Variants in ARHGAP21 observed in about 807,000 individuals in gnomAD.
ARHGAP21 encodes the protein rho GTPase-activating protein 21.
ARHGAP21 carries 38 observed loss-of-function variants against 164.6 expected under a neutral mutation model. The observed-to-expected ratio is 0.23, with a 90% CI of 0.18 to 0.30. ARHGAP21 has a LOEUF of 0.30. Ranked by LOEUF, ARHGAP21 falls within the 10% of genes least tolerant of loss-of-function variation. ARHGAP21 has a pLI of 1.00. For synonymous variants in ARHGAP21, 766 were observed against 857.9 expected, an observed-to-expected ratio of 0.89 and a Z score of 1.87; for missense variants, 1,822 against 2,370.7, an observed-to-expected ratio of 0.77 and a Z score of 4.81.
At chr10:24,708,607 G>A (rs942430628) in intron 2 of ARHGAP21, among the ~76,000 whole-genome samples, 11 of 152,154 alleles carry the variant, frequency 7.2e-5, no homozygotes, top group African/African-American at 2.2e-4. Context: ...AGTCTCCATT[G>A]TCTATCCTTC....
intron 4 of ARHGAP21, among the ~76,000 whole-genome samples, chr10:24,655,224 T>A (rs1169222773): frequency 6.6e-6 from 1 of 152,172 alleles, no homozygotes; most frequent in Non-Finnish European, 1.5e-5. Context: ...GGACTTCGTG[T>A]CTAAAACACC....
chr10:24,611,671 G>A (rs116249015), intron 9 of ARHGAP21, among the ~76,000 whole-genome samples: 8,236 of 151,374 alleles, frequency 0.054, 508 homozygotes, highest in East Asian at 0.29. Flanking sequence ...GCCACTGCCC[G>A]ACTCCAGCCT....
intron 9 of ARHGAP21, among the ~76,000 whole-genome samples, chr10:24,618,306 G>C (rs185628073): frequency 2.5e-4 from 38 of 152,192 alleles, no homozygotes; most frequent in African/African-American, 8.4e-4. Context: ...CTAGGCATTA[G>C]GGACACAAAA....
chr10:24,658,826 AAT>A (rs1446585076), intron 4 of ARHGAP21, among the ~76,000 whole-genome samples: 2 of 152,196 alleles, frequency 1.3e-5, no homozygotes, highest in Middle Eastern at 3.2e-3. Flanking sequence ...ATTAAAAAAA[AAT>A]ACTTATACCT....
intron 4 of ARHGAP21, among the ~76,000 whole-genome samples, chr10:24,641,232 A>G (rs1408496659): frequency 2.0e-5 from 3 of 152,232 alleles, no homozygotes; most frequent in Non-Finnish European, 1.5e-5. Context: ...AATATATCCT[A>G]TATAAGTCAT....
chr10:24,670,519 C>CTAA (rs1840602561), intron 2 of ARHGAP21, 122 bp from the exon 3 acceptor site: 1 of 503,626 alleles, frequency 2.0e-6, no homozygotes, highest in African/African-American at 2.0e-5. Flanking sequence ...GATGCATAAA[C>CTAA]TACACAAAGC....
intron 2 of ARHGAP21, among the ~76,000 whole-genome samples, chr10:24,689,660 G>A (rs555766277): frequency 8.5e-4 from 129 of 152,140 alleles, no homozygotes; most frequent in African/African-American, 2.9e-3. Context: ...AGGATCATCT[G>A]AGCCCGGAAG....
At chr10:24,642,603 C>A (rs947356015) in intron 4 of ARHGAP21, among the ~76,000 whole-genome samples, 1 of 151,836 alleles carries the variant, frequency 6.6e-6, no homozygotes, top group Non-Finnish European at 1.5e-5. Context: ...ATCGGTACTG[C>A]AAGCTGACAA....
Position 24,620,809 on chromosome 10 carries a change from T to C in ARHGAP21, c.1086A>G (p.Arg362=). Residue 362 remains arginine, a synonymous_variant, in exon 9 of 26, where the codon AGA becomes AGG. Transcript: ENST00000396432. Reference sequence around the variant, plus strand: ...CAGAGGGAGCCTCCACAGCTTGAGATCTGCTGCTTGAGATTCCATCAGAAT... The same window carrying C: ...CAGAGGGAGCCTCCACAGCTTGAGACCTGCTGCTTGAGATTCCATCAGAAT... ...SGHSDGISSS[R]SQAVEAPSVS... 6.2e-7 allele frequency: 1 copy of C among 1,614,186 alleles called. No homozygotes were observed. Among genetic ancestry groups the C allele is most frequent in the Non-Finnish European group, 8.5e-7 (1 of 1,180,018 alleles).
At chr10:24,646,103 G>C (rs1188050093) in intron 4 of ARHGAP21, among the ~76,000 whole-genome samples, 1 of 152,170 alleles carries the variant, frequency 6.6e-6, no homozygotes, top group Admixed American at 6.5e-5. Context: ...TAATGTGCTT[G>C]GCATTTACAT....
intron 25 of ARHGAP21, among the ~76,000 whole-genome samples, chr10:24,588,632 C>T (rs2076204853): frequency 2.0e-5 from 3 of 152,150 alleles, no homozygotes; most frequent in Non-Finnish European, 4.4e-5. Flanking sequence ...GTTGCTACTG[C>T]CTCAACAGTG....
At chr10:24,678,756 C>T (rs1298852495) in intron 2 of ARHGAP21, among the ~76,000 whole-genome samples, 1 of 152,268 alleles carries the variant, frequency 6.6e-6, no homozygotes, top group South Asian at 2.1e-4. Context: ...TGGCCTCAAA[C>T]TCCTGGGCTG....
At chr10:24,678,631 CT>C (rs1217225897) in intron 2 of ARHGAP21, among the ~76,000 whole-genome samples, 2 of 152,144 alleles carry the variant, frequency 1.3e-5, no homozygotes, top group Non-Finnish European at 2.9e-5. Flanking sequence ...TCCCAAGTAG[CT>C]GGGTCTACAG....
At chr10:24,639,950 A>G (rs953779982) in intron 4 of ARHGAP21, among the ~76,000 whole-genome samples, 3 of 152,068 alleles carry the variant, frequency 2.0e-5, no homozygotes, top group African/African-American at 7.2e-5. Flanking sequence ...CTAATAGATT[A>G]CTTTTAAGAA....
intron 21 of ARHGAP21, among the ~76,000 whole-genome samples, chr10:24,592,453 G>C (rs1195992477): frequency 6.6e-6 from 1 of 152,012 alleles, no homozygotes; most frequent in Non-Finnish European, 1.5e-5. Flanking sequence ...GAAAACAACT[G>C]ATTTGGTTCA....
intron 24 of ARHGAP21, chr10:24,590,607 T>C: frequency 2.9e-6 from 4 of 1,402,034 alleles, no homozygotes; most frequent in Non-Finnish European, 2.8e-6. Flanking sequence ...TGCAACAGTT[T>C]GGCAGGAGAA....
At chr10:24,612,074 A>ACTTTG (rs1308210672) in intron 9 of ARHGAP21, among the ~76,000 whole-genome samples, 2 of 152,218 alleles carry the variant, frequency 1.3e-5, no homozygotes, top group Non-Finnish European at 2.9e-5. Flanking sequence ...ACAAAGAAGC[A>ACTTTG]TATAATTAAT....
At chr10:24,670,521 A>T (rs934526617) in intron 2 of ARHGAP21, 124 bp from the exon 3 acceptor site, 3 of 502,830 alleles carry the variant, frequency 6.0e-6, no homozygotes, top group Non-Finnish European at 6.4e-6. Flanking sequence ...TGCATAAACT[A>T]CACAAAGCAT....
chr10:24,613,860 C>T (rs2077365844), intron 9 of ARHGAP21, among the ~76,000 whole-genome samples: 1 of 152,030 alleles, frequency 6.6e-6, no homozygotes, highest in African/African-American at 2.4e-5. Flanking sequence ...AGGATCACTT[C>T]TAGATTTGCC....
Sources: allele counts gnomAD v4.1 joint callset (sites outside exome capture counted in the v4.1 genomes callset), GRCh38; gene constraint gnomAD v4.1.1; transcripts MANE v1.5; gene names NCBI Gene and HGNC (gene_info 2026-07-23, HGNC 2026-07-21).